ARMH3: variants seen among roughly 807,000 people sequenced by gnomAD.
The protein encoded by ARMH3 is armadillo-like helical domain-containing protein 3.
Under a neutral mutation model 99.1 loss-of-function variants are expected in ARMH3, and 60 were observed. That is an observed-to-expected ratio of 0.61 (90% CI 0.49 to 0.75). The LOEUF is 0.75. Ranked by LOEUF, ARMH3 falls within the 30% of genes least tolerant of loss-of-function variation. ARMH3 has a pLI of 0.00. For synonymous variants in ARMH3, 285 were observed against 292.8 expected (o/e 0.97, Z 0.27); for missense variants, 679 against 843.1 (o/e 0.81, Z 2.41).
At chr10:101,988,226 T>A (rs949911307) in intron 19 of ARMH3, among the ~76,000 whole-genome samples, 1 of 152,258 alleles carries the variant, frequency 6.6e-6, no homozygotes, top group Non-Finnish European at 1.5e-5. Context: ...TGATGCTTAC[T>A]AACAGAATAA....
chr10:101,874,488 C>T (rs1371345244), intron 24 of ARMH3, among the ~76,000 whole-genome samples: 2 of 152,142 alleles, frequency 1.3e-5, no homozygotes, highest in African/African-American at 4.8e-5. Context: ...CCCTGAACAA[C>T]CCCATAATCC....
intron 24 of ARMH3, among the ~76,000 whole-genome samples, chr10:101,853,053 T>TA (rs1470073292): frequency 6.7e-6 from 1 of 148,714 alleles, no homozygotes; most frequent in African/African-American, 2.5e-5. Flanking sequence ...TTGGCTAATT[T>TA]TTTTTTTTTT....
intron 2 of ARMH3, 87 bp downstream of exon 2, chr10:102,039,926 A>G: frequency 2.4e-6 from 3 of 1,258,996 alleles, no homozygotes; most frequent in Non-Finnish European, 3.5e-6. Context: ...AGGAACCTGA[A>G]GGTAGCAGGC....
chr10:101,995,952 G>C (rs555431653), intron 15 of ARMH3, among the ~76,000 whole-genome samples: 2 of 152,320 alleles, frequency 1.3e-5, no homozygotes, highest in Admixed American at 6.5e-5. Flanking sequence ...CTATGTGGCA[G>C]GCACTGTGCA....
chr10:101,936,349 G>A lies in ARMH3; in HGVS notation c.1781+3514C>T, dbSNP rs573015763. The stretch of plus-strand genomic sequence containing the variant: ...TCTACTAAAAATACAAAAATTAGCC[G>A]GGAATAGTGGTGCGTGCCTGTAATC... On this transcript the variant is annotated intron_variant, in intron 23 of 25. Transcript: ENST00000370033. Among the ~76,000 whole-genome samples the A allele has an allele frequency of 1.2e-3, 179 of 151,666 alleles. 1 individual carries two copies. The highest frequency in any genetic ancestry group is 4.0e-3 in the African/African-American group (164 of 41,392).
intron 23 of ARMH3, among the ~76,000 whole-genome samples, chr10:101,939,010 G>T (rs1327515111): frequency 1.3e-5 from 2 of 152,026 alleles, no homozygotes; most frequent in African/African-American, 4.8e-5. Flanking sequence ...AAAAGATATA[G>T]GAAAAAAATC....
In ARMH3 at chr10:102,033,321, A is replaced by T. The variant is rs776002294; in HGVS notation, c.121T>A (p.Cys41Ser). 28 of 1,614,026 alleles carry T rather than the reference A, an allele frequency of 1.7e-5. No individual in the cohort carries two copies. The Admixed American group carries it at 4.5e-4, about 26-fold the overall frequency. Reference sequence around the variant, plus strand: ...AGCTCCTCCCAAAACCGAGGACTGCACTTACTGGGGTCCTCTGTCTGAAAC... The same window carrying T: ...AGCTCCTCCCAAAACCGAGGACTGCTCTTACTGGGGTCCTCTGTCTGAAAC... ...EIFMTEDPSK[C>S]SPRFWEELFL... The change falls in exon 3 of 26, where the codon TGC (cysteine) becomes AGC (serine). Residue 41 changes from cysteine (C) to serine (S), a missense_variant. Physicochemically the swap from Cys to Ser is moderately radical, Grantham distance 112. Coordinates refer to ENST00000370033, the MANE Select transcript of ARMH3 (RefSeq NM_024541.3).
At chr10:101,911,909 TG>T (rs1842881781) in intron 23 of ARMH3, among the ~76,000 whole-genome samples, 1 of 151,908 alleles carries the variant, frequency 6.6e-6, no homozygotes, top group Admixed American at 6.6e-5. Flanking sequence ...GGTGGGCGCC[TG>T]TAGCCCCAGT....
chr10:101,865,459 A>G (rs984330623), intron 24 of ARMH3, among the ~76,000 whole-genome samples: 1 of 152,122 alleles, frequency 6.6e-6, no homozygotes, highest in African/African-American at 2.4e-5. Context: ...AACTGTATAA[A>G]ATTAACTGTA....
At chr10:101,982,234 A>G (rs1233552369) in intron 19 of ARMH3, among the ~76,000 whole-genome samples, 1 of 151,582 alleles carries the variant, frequency 6.6e-6, no homozygotes, top group East Asian at 1.9e-4. Context: ...AAAAACACAA[A>G]AATTGGCCAG....
chr10:101,944,299 GA>G (rs1844410350), intron 22 of ARMH3, among the ~76,000 whole-genome samples: 2 of 127,472 alleles, frequency 1.6e-5, no homozygotes, highest in South Asian at 2.5e-4. Flanking sequence ...GAGAGAGAGA[GA>G]GAGAGAGAGA....
rs34359012 is a variant in ARMH3, at chr10:101,862,048, CAAAAAAAAAAA to C, written c.1861-12167_1861-12157del. Among the ~76,000 whole-genome samples the C allele has an allele frequency of 3.4e-3, 122 of 36,368 alleles. 1 individual carries two copies. Among genetic ancestry groups the C allele is most frequent in the Middle Eastern group, 0.017 (1 of 58 alleles). 23.9% of individuals were successfully genotyped at this position (36,368 alleles called of 152,430 possible). ...TGGGCGACAGAGCGAGATTCCCTCTCAAAAAAAAAAAAAAAAAAAAAAAAAGATGTTCTTTG... is the reference window on the plus strand; with the variant it reads ...TGGGCGACAGAGCGAGATTCCCTCTCAAAAAAAAAAAAAAGATGTTCTTTG... On this transcript the variant is annotated intron_variant, in intron 24 of 25. Coordinates refer to ENST00000370033, the MANE Select transcript of ARMH3 (RefSeq NM_024541.3).
chr10:101,865,677 TG>T (rs1188043351), intron 24 of ARMH3, among the ~76,000 whole-genome samples: 2 of 152,020 alleles, frequency 1.3e-5, no homozygotes, highest in Non-Finnish European at 2.9e-5. Flanking sequence ...TTTGTAGAGA[TG>T]GGGTTTCCCC....
intron 5 of ARMH3, 109 bp downstream of exon 5, chr10:102,029,529 T>C (rs1409273958): frequency 1.2e-6 from 2 of 1,606,024 alleles, no homozygotes; most frequent in Non-Finnish European, 1.7e-6. Flanking sequence ...AATTCAATCA[T>C]CTGTATCTTT....
At chr10:101,922,351 T>TAA (rs1843338716) in intron 23 of ARMH3, among the ~76,000 whole-genome samples, 1 of 152,174 alleles carries the variant, frequency 6.6e-6, no homozygotes, top group Admixed American at 6.5e-5. Context: ...CAAGTAATCT[T>TAA]CCCACCTCAG....
At chr10:101,949,117 C>A (rs1473834968) in intron 22 of ARMH3, among the ~76,000 whole-genome samples, 1 of 151,352 alleles carries the variant, frequency 6.6e-6, no homozygotes, top group African/African-American at 2.4e-5. Context: ...ATTTATAGTA[C>A]AAAATATTTA....
chr10:101,979,844 C>T lies in ARMH3; in HGVS notation c.1407-4544G>A, dbSNP rs1177599283. On this transcript the variant is annotated intron_variant, in intron 19 of 25. Coordinates refer to ENST00000370033, the MANE Select transcript of ARMH3 (RefSeq NM_024541.3). ...TTTGAGAGGATTAGCTTTTATATTT[C>T]CTATTTTCAATTTAAATTCACAAAT... Among the ~76,000 whole-genome samples the T allele has an allele frequency of 8.5e-5, 13 of 152,252 alleles. No homozygotes were observed. In the East Asian group the frequency reaches 2.5e-3, roughly 29 times the overall value.
chr10:102,000,892 C>T (rs2136057405), intron 15 of ARMH3, among the ~76,000 whole-genome samples: 1 of 152,172 alleles, frequency 6.6e-6, no homozygotes, highest in East Asian at 1.9e-4. Context: ...TCTCAACTCT[C>T]TACAACCTCC....
intron 5 of ARMH3, among the ~76,000 whole-genome samples, chr10:102,026,572 CA>C (rs1354461518): frequency 6.6e-6 from 1 of 152,046 alleles, no homozygotes; most frequent in Non-Finnish European, 1.5e-5. Context: ...ATCAAAGACA[CA>C]TAAGGAAAGA....
Sources: allele counts gnomAD v4.1 joint callset (sites outside exome capture counted in the v4.1 genomes callset), GRCh38; gene constraint gnomAD v4.1.1; transcripts MANE v1.5; gene names NCBI Gene and HGNC (gene_info 2026-07-23, HGNC 2026-07-21).